Variants in RORA observed in about 807,000 individuals in gnomAD.
The protein encoded by RORA is RAR related orphan receptor A.
In RORA, 7 loss-of-function variants were observed where a neutral mutation model predicts 69.5. The observed-to-expected ratio is 0.10, with a 90% CI of 0.06 to 0.19. The LOEUF (loss-of-function observed/expected upper bound fraction) is 0.19, where lower values mean the gene tolerates loss of function less well. Ranked by LOEUF, RORA falls within the 10% of genes least tolerant of loss-of-function variation. The probability of loss-of-function intolerance (pLI) is 1.00; values close to 1 mark genes in which losing one functional copy is unlikely to be tolerated. For missense variants in RORA, 457 were observed against 663.0 expected (o/e 0.69, Z 3.41); for synonymous variants, 261 against 240.8 (o/e 1.08, Z -0.78).
chr15:60,662,504 A>G (rs2070317875), intron 2 of RORA, among the ~76,000 whole-genome samples: 1 of 152,198 alleles, frequency 6.6e-6, no homozygotes, highest in African/African-American at 2.4e-5. Flanking sequence ...ATTCATTTTT[A>G]TAATTGAGAA....
intron 2 of RORA, among the ~76,000 whole-genome samples, chr15:60,668,575 CAG>C (rs2070414896): frequency 6.6e-6 from 1 of 152,112 alleles, no homozygotes; most frequent in African/African-American, 2.4e-5. Flanking sequence ...CCTCGGGGGA[CAG>C]AGTTTAGTTT....
At chr15:60,959,575 A>G (rs2140341584) in intron 1 of RORA, among the ~76,000 whole-genome samples, 1 of 152,328 alleles carries the variant, frequency 6.6e-6, no homozygotes, top group Admixed American at 6.5e-5. Context: ...GATATGGCTC[A>G]TGTTTGTATC....
At chr15:60,934,964 C>T (rs1175688826) in intron 1 of RORA, among the ~76,000 whole-genome samples, 1 of 152,216 alleles carries the variant, frequency 6.6e-6, no homozygotes, top group Non-Finnish European at 1.5e-5. Flanking sequence ...TAACTGTGTG[C>T]CAAGCACTGT....
In RORA at chr15:60,531,481, G is replaced by C. The variant is rs1595922318; in HGVS notation, c.282+285C>G. 3.2e-6 allele frequency: 1 copy of C among 312,498 alleles called. No individual in the cohort carries two copies. The allele number at this position is 312,498 out of a possible 1,614,324, so 19.4% of individuals were successfully genotyped here. ...CTGGAGTTAGCTCTTTTTTAAAAAA[G>C]ATTGCCACAGAGATTGCTCATGAGT... On this transcript the variant is annotated intron_variant, in intron 3 of 10. Transcript: ENST00000335670. This position sits in a 1 kb window ranked among gnomAD's most constrained non-coding sequence, Gnocchi z 4.8.
At chr15:60,675,536 C>T (rs1567151255) in intron 2 of RORA, among the ~76,000 whole-genome samples, 1 of 152,132 alleles carries the variant, frequency 6.6e-6, no homozygotes, top group East Asian at 1.9e-4. Context: ...CAAAGCTTGT[C>T]TTCTCCCACT....
At chr15:61,096,723 T>C (rs2078795666) in intron 1 of RORA, among the ~76,000 whole-genome samples, 1 of 152,042 alleles carries the variant, frequency 6.6e-6, no homozygotes, top group East Asian at 1.9e-4. Context: ...TCCTAGTGCC[T>C]AGGGAAGGCA....
chr15:60,560,261 T>C (rs1218755220), intron 2 of RORA, among the ~76,000 whole-genome samples: 1 of 152,114 alleles, frequency 6.6e-6, no homozygotes. Context: ...TTTTTTCTTT[T>C]GTTTTGTTTG....
rs919639933 is a variant in RORA at position 61,020,093 on chromosome 15, T to C, written c.166+208960A>G. Among the ~76,000 whole-genome samples, 5 of 152,234 alleles carry C rather than the reference T, an allele frequency of 3.3e-5. No homozygotes were observed. In the East Asian group the frequency reaches 9.6e-4, roughly 29 times the overall value. ...AGAACGTCCCTTTGTAGAGTATCAA[T>C]GAAACCAGCTCTGAATGCTGCATCT... is the stretch of plus-strand genomic sequence containing the variant. On this transcript the variant is annotated intron_variant, in intron 1 of 10. Coordinates refer to ENST00000335670, the MANE Select transcript of RORA (RefSeq NM_134261.3).
intron 1 of RORA, among the ~76,000 whole-genome samples, chr15:61,081,631 C>A (rs549656917): frequency 1.3e-5 from 2 of 152,002 alleles, no homozygotes; most frequent in African/African-American, 4.8e-5. Context: ...CATGGTGAAA[C>A]CCCATCTCTA....
intron 1 of RORA, among the ~76,000 whole-genome samples, chr15:61,113,686 C>T (rs1252238775): frequency 6.6e-6 from 1 of 152,150 alleles, no homozygotes; most frequent in Admixed American, 6.5e-5. Flanking sequence ...CACACATGCA[C>T]ACACACACGC....
rs145717167 is a variant in RORA, at chr15:60,632,163, G to T, written c.196+46494C>A. Among the ~76,000 whole-genome samples the T allele has an allele frequency of 4.3e-3, 651 of 150,864 alleles. 1 individual carries two copies. Among genetic ancestry groups the T allele is most frequent in the African/African-American group, 0.015 (624 of 40,916 alleles). On this transcript the variant is annotated intron_variant, in intron 2 of 10. Coordinates refer to ENST00000335670, the MANE Select transcript of RORA (RefSeq NM_134261.3). Reference sequence around the variant, plus strand: ...ACTCTGTTGTCCAGGCTGGAGTGCAGTGGCGCATCCTGGCTCACTGCAAGC... The same window carrying T: ...ACTCTGTTGTCCAGGCTGGAGTGCATTGGCGCATCCTGGCTCACTGCAAGC...
intron 1 of RORA, among the ~76,000 whole-genome samples, chr15:61,174,694 G>A (rs7171405): frequency 0.29 from 43,739 of 151,986 alleles, 6,566 homozygotes; most frequent in African/African-American, 0.38. Flanking sequence ...CACCTTCCCA[G>A]GCTCCAGTGT....
intron 1 of RORA, among the ~76,000 whole-genome samples, chr15:61,005,002 A>G (rs1233426302): frequency 6.6e-6 from 1 of 152,234 alleles, no homozygotes; most frequent in African/African-American, 2.4e-5. Context: ...AACATGTTGC[A>G]GATGCCTTAA....
intron 1 of RORA, among the ~76,000 whole-genome samples, chr15:60,974,989 A>C (rs1893835443): frequency 6.6e-6 from 1 of 152,224 alleles, no homozygotes; most frequent in Non-Finnish European, 1.5e-5. Context: ...GGACCTGAAG[A>C]GGTGGGATCT....
chr15:60,814,277 T>A (rs1358041521), intron 1 of RORA, among the ~76,000 whole-genome samples: 1 of 152,178 alleles, frequency 6.6e-6, no homozygotes, highest in East Asian at 1.9e-4. Flanking sequence ...TAGCCAGCGT[T>A]CTTCAAGGCG....
intron 1 of RORA, among the ~76,000 whole-genome samples, chr15:61,101,789 G>A (rs1179159359): frequency 6.6e-6 from 1 of 152,066 alleles, no homozygotes; most frequent in Non-Finnish European, 1.5e-5. Flanking sequence ...GGCAAAAGTG[G>A]GAGATGGTAC....
Position 61,046,354 on chromosome 15 carries a change from G to A in RORA, c.166+182699C>T, listed in dbSNP as rs140649308. On this transcript the variant is annotated intron_variant, in intron 1 of 10. Coordinates refer to ENST00000335670, the MANE Select transcript of RORA (RefSeq NM_134261.3). ...ACATGGTCAGCTCTTTCTCAGCTTT[G>A]ATAATTGTCCTAGGGAATAGTCTCC... 2.2e-3 allele frequency among the ~76,000 whole-genome samples: 332 copies of A among 152,292 alleles called. 2 individuals carry two copies. Among genetic ancestry groups the A allele is most frequent in the African/African-American group, 7.4e-3 (308 of 41,550 alleles).
chr15:60,616,892 A>T (rs2069259170), intron 2 of RORA, among the ~76,000 whole-genome samples: 1 of 152,230 alleles, frequency 6.6e-6, no homozygotes, highest in African/African-American at 2.4e-5. Context: ...GTCTACCTCT[A>T]TAAGTAACAG....
intron 1 of RORA, among the ~76,000 whole-genome samples, chr15:60,757,451 C>T (rs2071819451): frequency 6.6e-6 from 1 of 152,180 alleles, no homozygotes. Context: ...CTGCCATTTT[C>T]TCTGTCTCAG....
Sources: gnomAD v4.1 joint callset for allele counts (sites outside exome capture counted in the v4.1 genomes callset) on GRCh38, gnomAD v4.1.1 for gene constraint, Gnocchi (gnomAD v3.1) non-coding constraint, MANE v1.5 for transcripts, NCBI Gene and HGNC (gene_info 2026-07-23, HGNC 2026-07-21) for gene names.